The following XKR4 variants were observed in gnomAD, a reference collection of about 807,000 sequenced individuals.
The protein encoded by XKR4 is XK related 4, also known as XK-related protein 4.
In XKR4, 12 loss-of-function variants were observed where a neutral mutation model predicts 53.9. The observed-to-expected ratio is 0.22, with a 90% CI of 0.14 to 0.36. The LOEUF is 0.36. Among genes scored for constraint, XKR4 ranks in the 10% least tolerant of loss-of-function variants. XKR4 has a pLI of 1.00. For missense variants in XKR4, 799 were observed against 859.5 expected (o/e 0.93, Z 0.88); for synonymous variants, 354 against 362.4 (o/e 0.98, Z 0.26).
At chr8:55,465,140 A>C (rs186233701) in intron 2 of XKR4, among the ~76,000 whole-genome samples, 40 of 152,262 alleles carry the variant, frequency 2.6e-4, no homozygotes, top group African/African-American at 1.9e-4. Context: ...AAACTACTTT[A>C]AAGTTCATAT....
chr8:55,170,304 C>T (rs966892620), intron 1 of XKR4, among the ~76,000 whole-genome samples: 3 of 152,084 alleles, frequency 2.0e-5, no homozygotes, highest in Non-Finnish European at 2.9e-5. Context: ...AACTGACTTT[C>T]GATCAGGGAG....
chr8:55,271,233 C>T (rs979338057), intron 1 of XKR4, among the ~76,000 whole-genome samples: 4 of 152,072 alleles, frequency 2.6e-5, no homozygotes, highest in East Asian at 1.9e-4. Context: ...TTTTCCTCTC[C>T]GTGGCTTCCT....
chr8:55,503,050 T>C (rs1402687303), intron 2 of XKR4, among the ~76,000 whole-genome samples: 1 of 152,210 alleles, frequency 6.6e-6, no homozygotes, highest in African/African-American at 2.4e-5. Flanking sequence ...TTCTATTTCA[T>C]TGGTCTATTT....
chr8:55,453,675 G>A (rs570672630), intron 2 of XKR4: 111 of 409,714 alleles, frequency 2.7e-4, no homozygotes, highest in African/African-American at 1.6e-3. Flanking sequence ...GGGAAGGGCC[G>A]GGGCGCCCAT....
chr8:55,523,380 A>G lies in XKR4; in HGVS notation c.1106A>G (p.Tyr369Cys). Reference sequence around the variant, plus strand: ...CGAGATGACAAGAAGCCCATCAGCTACATGGCCGTCATCATCCAGTTCTGC... The same window carrying G: ...CGAGATGACAAGAAGCCCATCAGCTGCATGGCCGTCATCATCCAGTTCTGC... ...DSRDDKKPIS[Y>C]MAVIIQFCWH... The change falls in exon 3 of 3, where the codon TAC (tyrosine) becomes TGC (cysteine). Residue 369 changes from tyrosine to cysteine, a missense_variant. Physicochemically the swap from Tyr to Cys is radical, Grantham distance 194 (BLOSUM62 -2). Coordinates refer to ENST00000327381, the MANE Select transcript of XKR4 (RefSeq NM_052898.2). 6.2e-7 allele frequency: 1 copy of G among 1,614,234 alleles called. No homozygotes were observed. The highest frequency in any genetic ancestry group is 8.5e-7 in the Non-Finnish European group (1 of 1,180,036).
chr8:55,272,936 A>G (rs1439217067), intron 1 of XKR4: 2 of 452,418 alleles, frequency 4.4e-6, no homozygotes, highest in Non-Finnish European at 8.9e-6. Flanking sequence ...AACTTCTCGG[A>G]TAAACACCAC....
chr8:55,157,497 CT>C (rs34979720), intron 1 of XKR4, among the ~76,000 whole-genome samples: 276 of 146,756 alleles, frequency 1.9e-3, no homozygotes, highest in African/African-American at 5.8e-3. Context: ...TTTGGAAATA[CT>C]TTTTTTTTTT....
Position 55,531,405 on chromosome 8 carries a change from A to C in XKR4, c.*7178A>C, listed in dbSNP as rs1461685551. ...CTTATGGGATCGCTGTCATATGTGC[A>C]GTCTATTATTGACCAAAATGCCATT... On this transcript the variant is annotated 3_prime_UTR_variant, in exon 3 of 3. Transcript: ENST00000327381. 1 of 152,212 alleles carries C rather than the reference A, an allele frequency of 6.6e-6. No individual in the cohort carries two copies. The highest frequency in any genetic ancestry group is 1.5e-5 in the Non-Finnish European group (1 of 68,036). 9.4% of individuals were successfully genotyped at this position (152,212 alleles called of 1,614,324 possible).
chr8:55,144,826 T>TATTTTATTTTATTTTA (rs1816749990), intron 1 of XKR4, among the ~76,000 whole-genome samples: 1 of 150,306 alleles, frequency 6.7e-6, no homozygotes, highest in African/African-American at 2.4e-5. Context: ...TATTTTATTT[T>TATTTTATTTTATTTTA]ATTTTATTTT....
In XKR4 at chr8:55,431,431, T is replaced by A. The variant is rs573858669; in HGVS notation, c.1006+73554T>A. On this transcript the variant is annotated intron_variant, in intron 2 of 2. Transcript: ENST00000327381. ...CAAAATGCTTTTAAATGCCAGTATT[T>A]AATAATATCAGTAACTACAACTAAA... Among the ~76,000 whole-genome samples, 9 of 152,328 alleles carry A rather than the reference T, an allele frequency of 5.9e-5. No homozygotes were observed. In the East Asian group the frequency reaches 1.7e-3, roughly 29 times the overall value.
intron 1 of XKR4, among the ~76,000 whole-genome samples, chr8:55,156,559 G>A (rs141386943): frequency 9.1e-4 from 139 of 152,270 alleles, no homozygotes; most frequent in African/African-American, 3.2e-3. Context: ...AACATAAAGA[G>A]TTTGGCGATA....
At chr8:55,396,352 G>C (rs945741321) in intron 2 of XKR4, among the ~76,000 whole-genome samples, 44 of 150,762 alleles carry the variant, frequency 2.9e-4, no homozygotes, top group African/African-American at 1.0e-3. Flanking sequence ...ACATTTTGTT[G>C]GGACAGAGGG....
In XKR4 at chr8:55,246,793, T is replaced by C. The variant is rs549132325; in HGVS notation, c.807-110885T>C. Among the ~76,000 whole-genome samples, 378 of 150,918 alleles carry C rather than the reference T, an allele frequency of 2.5e-3. 3 individuals are homozygous for C. Among genetic ancestry groups the C allele is most frequent in the African/African-American group, 8.7e-3 (359 of 41,234 alleles). On this transcript the variant is annotated intron_variant, in intron 1 of 2. Transcript: ENST00000327381. The stretch of plus-strand genomic sequence containing the variant: ...CAATGACTCAGAGTCGTTCTTTGAA[T>C]CAATCACTCAACCTTTTAGCCACAA...
At chr8:55,304,561 T>G (rs1212996530) in intron 1 of XKR4, among the ~76,000 whole-genome samples, 3 of 152,190 alleles carry the variant, frequency 2.0e-5, no homozygotes. Flanking sequence ...TTGTTAATTT[T>G]CTGTTTAGTA....
chr8:55,316,103 T>G (rs549902317), intron 1 of XKR4, among the ~76,000 whole-genome samples: 7 of 152,332 alleles, frequency 4.6e-5, no homozygotes, highest in African/African-American at 1.7e-4. Context: ...CCATAAAGGA[T>G]TTTTCTAATT....
Position 55,534,249 on chromosome 8 carries a change from G to A in XKR4, c.*10022G>A, listed in dbSNP as rs899322244. 11 of 151,526 alleles carry A rather than the reference G, an allele frequency of 7.3e-5. No individual in the cohort carries two copies. The highest frequency in any genetic ancestry group is 5.9e-4 in the Admixed American group (9 of 15,204). 9.4% of individuals were successfully genotyped at this position (151,526 alleles called of 1,614,324 possible). A position where few individuals can be genotyped will look rare whatever the true frequency, so the allele number is the denominator to read the frequency against. ...AATTTGATTCCTGCCTTCTTAGGTGGTGACATTAGCAGTTCCAAACCGAGA... is the reference window on the plus strand; with the variant it reads ...AATTTGATTCCTGCCTTCTTAGGTGATGACATTAGCAGTTCCAAACCGAGA... On this transcript the variant is annotated 3_prime_UTR_variant, in exon 3 of 3. Transcript: ENST00000327381.
chr8:55,446,189 C>A (rs1215771380), intron 2 of XKR4, among the ~76,000 whole-genome samples: 1 of 152,172 alleles, frequency 6.6e-6, no homozygotes, highest in African/African-American at 2.4e-5. Flanking sequence ...AAGTTCAACT[C>A]AACCATCACG....
intron 1 of XKR4, among the ~76,000 whole-genome samples, chr8:55,176,823 G>A (rs141689124): frequency 6.6e-6 from 1 of 152,150 alleles, no homozygotes; most frequent in African/African-American, 2.4e-5. Context: ...CAGGATGATG[G>A]TGATAGGGTG....
intron 1 of XKR4, among the ~76,000 whole-genome samples, chr8:55,335,756 T>C (rs926344440): frequency 6.6e-6 from 1 of 152,154 alleles, no homozygotes; most frequent in African/African-American, 2.4e-5. Context: ...AAATGAATGA[T>C]TGATACATGC....
Sources: gnomAD v4.1 joint callset for allele counts (sites outside exome capture counted in the v4.1 genomes callset) on GRCh38, gnomAD v4.1.1 for gene constraint, MANE v1.5 for transcripts, NCBI Gene and HGNC (gene_info 2026-07-23, HGNC 2026-07-21) for gene names.